TMEM67: variants seen among roughly 807,000 people sequenced by gnomAD.
The protein encoded by TMEM67 is transmembrane protein 67, also known as meckelin.
TMEM67 carries 124 observed loss-of-function variants against 136.6 expected under a neutral mutation model. The ratio of observed to expected loss-of-function variants is 0.91; its 90% CI spans 0.78 to 1.05. TMEM67 has a LOEUF of 1.05. Ranked by LOEUF, TMEM67 falls within the 50% of genes least tolerant of loss-of-function variation. TMEM67 has a pLI of 0.00. For missense variants in TMEM67, 1,107 were observed against 1,178.4 expected (o/e 0.94, Z 0.89); for synonymous variants, 364 against 390.5 (o/e 0.93, Z 0.80).
intron 26 of TMEM67, among the ~76,000 whole-genome samples, chr8:93,812,552 ACT>A (rs1250163557): frequency 1.4e-4 from 21 of 152,076 alleles, no homozygotes; most frequent in African/African-American, 4.6e-4. Context: ...TCAAAACCTG[ACT>A]CTACCATTTA....
chr8:93,809,746 C>G, intron 25 of TMEM67, 39 bp from the exon 26 acceptor site: 1 of 1,164,142 alleles, frequency 8.6e-7, no homozygotes, highest in Non-Finnish European at 1.3e-6. Context: ...ATTTATTTCA[C>G]TACTGTTTGT....
intron 26 of TMEM67, among the ~76,000 whole-genome samples, chr8:93,813,732 A>T (rs1808790124): frequency 6.6e-6 from 1 of 152,166 alleles, no homozygotes; most frequent in Admixed American, 6.6e-5. Context: ...GTACTTCAGG[A>T]CATCTAGGAA....
rs778615236 is a variant in TMEM67 at position 93,785,323 on chromosome 8, G to T, written c.1233G>T (p.Leu411Phe). The change falls in exon 12 of 28, where the codon TTG (leucine) becomes TTT (phenylalanine). Residue 411 changes from leucine (L) to phenylalanine (F), a missense_variant. Physicochemically the swap from Leu to Phe is conservative, Grantham distance 22 (BLOSUM62 0). Around this residue, in one of 3 missense-constraint regions of TMEM67, gnomAD observed 925 missense variants for 1,002.4 expected, o/e 0.92. Transcript: ENST00000453321. ...ATGAAAATCAACATCAATATATTTT[G>T]GCTGTGCCTGTGTTAAACCTAAATC... is the stretch of plus-strand genomic sequence containing the variant. ...YTDENQHQYI[L>F]AVPVLNLNLQ... is the part of the protein sequence containing the mutation. 6.2e-7 allele frequency: 1 copy of T among 1,609,192 alleles called. No individual in the cohort carries two copies. Among genetic ancestry groups the T allele is most frequent in the South Asian group, 1.1e-5 (1 of 90,794 alleles).
chr8:93,762,147 T>G (rs1010894930), intron 3 of TMEM67: 1 of 152,072 alleles, frequency 6.6e-6, no homozygotes, highest in Non-Finnish European at 1.5e-5. Flanking sequence ...CCCAGCTACT[T>G]GGGACACTGA....
Position 93,758,586 on chromosome 8 carries a change from A to C in TMEM67, c.406+10A>C. ...ATTGGCCATATTTTAGGTAAGAATT[A>C]GATTCCTTATAAAGAAGTAGTGATA... On this transcript the variant is annotated intron_variant, in intron 3 of 27. Transcript: ENST00000453321. 6.3e-7 allele frequency: 1 copy of C among 1,596,044 alleles called. No individual in the cohort carries two copies. Among genetic ancestry groups the C allele is most frequent in the East Asian group, 2.2e-5 (1 of 44,788 alleles).
chr8:93,826,888 G>A, the TMEM67 span, among the ~76,000 whole-genome samples: 1 of 152,108 alleles, frequency 6.6e-6, no homozygotes, highest in Admixed American at 6.5e-5. Context: ...GGAGTGCAAT[G>A]GTGCAATCTC....
the TMEM67 span, among the ~76,000 whole-genome samples, chr8:93,832,267 C>T: frequency 6.6e-6 from 1 of 152,308 alleles, no homozygotes; most frequent in South Asian, 2.1e-4. Context: ...TGCTTTGAAG[C>T]ACACTGTTTT....
Position 93,816,449 on chromosome 8 carries a change from T to A in TMEM67, c.2985T>A (p.Ile995=). Residue 995 remains isoleucine, a synonymous_variant, in exon 28 of 28, where the codon ATT becomes ATA. Coordinates refer to ENST00000453321, the MANE Select transcript of TMEM67 (RefSeq NM_153704.6). The part of the protein sequence containing the change: ...SKTLVDQRFL[I] ...CATTGGTGGATCAAAGATTTTTGAT[T>A]TAACTTCCTGAATAAATAACTTAAA... The A allele has an allele frequency of 6.4e-7, 1 of 1,570,762 alleles. No individual in the cohort carries two copies. The highest frequency in any genetic ancestry group is 2.3e-5 in the East Asian group (1 of 44,430).
chr8:93,808,389 ATT>A (rs1465776139), intron 23 of TMEM67, among the ~76,000 whole-genome samples: 1 of 48,532 alleles, frequency 2.1e-5, no homozygotes, highest in Admixed American at 2.3e-4. Flanking sequence ...ATATTTATAT[ATT>A]ATATATAAAT....
intron 26 of TMEM67, among the ~76,000 whole-genome samples, chr8:93,815,007 A>G (rs186769109): frequency 4.6e-5 from 7 of 152,330 alleles, no homozygotes; most frequent in Non-Finnish European, 4.4e-5. Context: ...AGTTGTATAA[A>G]GAAATAGAGA....
intron 23 of TMEM67, among the ~76,000 whole-genome samples, chr8:93,807,975 G>C (rs1043709828): frequency 6.6e-6 from 1 of 151,796 alleles, no homozygotes; most frequent in Admixed American, 6.6e-5. Flanking sequence ...GTTTGGTCAT[G>C]TATCACTATG....
intron 23 of TMEM67, among the ~76,000 whole-genome samples, chr8:93,806,737 C>G (rs770322123): frequency 1.4e-4 from 21 of 151,858 alleles, no homozygotes; most frequent in Non-Finnish European, 2.9e-4. Context: ...TAGAAATTAC[C>G]TTGTGATTAA....
intron 20 of TMEM67, among the ~76,000 whole-genome samples, chr8:93,798,364 C>T (rs755393268): frequency 6.6e-6 from 1 of 152,150 alleles, no homozygotes; most frequent in Non-Finnish European, 1.5e-5. Flanking sequence ...CATATTCTCC[C>T]CTGCATTAGA....
rs1808961975 is a variant in TMEM67 at position 93,817,734 on chromosome 8, G to A, written c.*1282G>A. On this transcript the variant is annotated 3_prime_UTR_variant, in exon 28 of 28. Coordinates refer to ENST00000453321, the MANE Select transcript of TMEM67 (RefSeq NM_153704.6). The stretch of plus-strand genomic sequence containing the variant: ...CATTTAGGAATATAACATTATTGGG[G>A]CAGAGGTCCCAGCCATTGCCAAAGT... The A allele has an allele frequency of 6.6e-6, 1 of 152,112 alleles. No individual in the cohort carries two copies. The highest frequency in any genetic ancestry group is 1.5e-5 in the Non-Finnish European group (1 of 68,026). The allele number at this position is 152,112 out of a possible 1,614,324, so 9.4% of individuals were successfully genotyped here. A position where few individuals can be genotyped will look rare whatever the true frequency, so the allele number is the denominator to read the frequency against.
chr8:93,764,420 T>G (rs1268867094), intron 4 of TMEM67, among the ~76,000 whole-genome samples: 1 of 152,174 alleles, frequency 6.6e-6, no homozygotes, highest in Non-Finnish European at 1.5e-5. Context: ...CATAAATGTA[T>G]GCTAATAATA....
chr8:93,790,437 T>C (rs1284852417), intron 14 of TMEM67, among the ~76,000 whole-genome samples: 1 of 152,240 alleles, frequency 6.6e-6, no homozygotes. Context: ...TAATGTCTTA[T>C]TCAGCCAAGT....
chr8:93,829,382 C>CTCTCTGTGTG, the TMEM67 span, among the ~76,000 whole-genome samples: 1 of 137,504 alleles, frequency 7.3e-6, no homozygotes, highest in African/African-American at 2.9e-5. Flanking sequence ...CTCTCTCTCT[C>CTCTCTGTGTG]TGTGTGTGTG....
At chr8:93,813,531 G>A (rs949618472) in intron 26 of TMEM67, among the ~76,000 whole-genome samples, 3 of 152,322 alleles carry the variant, frequency 2.0e-5, no homozygotes, top group Non-Finnish European at 4.4e-5. Context: ...TAAGGCAGTA[G>A]CAGTGGGGCT....
rs535458381 is a variant in TMEM67, at chr8:93,800,570, T to A, written c.2241+812T>A. Among the ~76,000 whole-genome samples, 147 of 152,258 alleles carry A rather than the reference T, an allele frequency of 9.7e-4. 2 individuals carry two copies. The highest frequency in any genetic ancestry group is 7.3e-3 in the South Asian group (35 of 4,826). On this transcript the variant is annotated intron_variant, in intron 21 of 27. Coordinates refer to ENST00000453321, the MANE Select transcript of TMEM67 (RefSeq NM_153704.6). ...AATGTCTTAATCTTTATAATAGCCC[T>A]CGGAGATAAGCTCTGTTATTATCCT...
Sources: gnomAD v4.1 joint callset for allele counts (sites outside exome capture counted in the v4.1 genomes callset) on GRCh38, gnomAD v4.1.1 for gene constraint, gnomAD v4.1.1 regional missense constraint, MANE v1.5 for transcripts, NCBI Gene and HGNC (gene_info 2026-07-23, HGNC 2026-07-21) for gene names.